Variants in SEMA6D observed in about 807,000 individuals in gnomAD.
The protein encoded by SEMA6D is semaphorin-6D.
A neutral mutation model predicts 106.6 loss-of-function variants in SEMA6D; 35 were observed. The observed-to-expected ratio is 0.33, with a 90% CI of 0.25 to 0.44. The LOEUF is 0.44. SEMA6D is among the 20% of genes least tolerant of loss of function. The pLI, the probability that SEMA6D is intolerant of heterozygous loss-of-function variation, is 1.00. For synonymous variants in SEMA6D, 499 were observed against 487.7 expected, an observed-to-expected ratio of 1.02 and a Z score of -0.31; for missense variants, 1,185 against 1,345.9, an observed-to-expected ratio of 0.88 and a Z score of 1.87.
intron 4 of SEMA6D, among the ~76,000 whole-genome samples, chr15:47,702,935 T>C (rs1021870970): frequency 1.3e-5 from 2 of 152,148 alleles, no homozygotes; most frequent in Non-Finnish European, 2.9e-5. Flanking sequence ...TAATAGTGGA[T>C]ACGTGTCATT....
chr15:47,771,341 G>A lies in SEMA6D; in HGVS notation c.2778G>A (p.Glu926=). The A allele has an allele frequency of 6.2e-7, 1 of 1,613,976 alleles. No homozygotes were observed. Among genetic ancestry groups the A allele is most frequent in the South Asian group, 1.1e-5 (1 of 91,062 alleles). The change falls in exon 19 of 19, where the codon GAG becomes GAA. Residue 926 remains glutamate, a synonymous_variant. Coordinates refer to ENST00000536845, the MANE Select transcript of SEMA6D (RefSeq NM_001358351.3). ...SEVPPKVPNR[E]ASLYSPPSTL... is the part of the protein sequence containing the mutation. ...TCCCACCTAAAGTCCCTAACCGGGA[G>A]GCATCGCTATACTCCCCTCCTTCAA...
chr15:47,190,802 A>C (rs1298259728), intron 1 of SEMA6D, among the ~76,000 whole-genome samples: 1 of 152,204 alleles, frequency 6.6e-6, no homozygotes. Flanking sequence ...CAAGTTGGTT[A>C]AATGTCTATC....
intron 2 of SEMA6D, among the ~76,000 whole-genome samples, chr15:47,438,383 T>A (rs1203084092): frequency 6.6e-6 from 1 of 152,052 alleles, no homozygotes; most frequent in Non-Finnish European, 1.5e-5. Context: ...AAACTATAGA[T>A]CAGATATTAC....
At chr15:47,701,841 G>A (rs998076702) in intron 4 of SEMA6D, among the ~76,000 whole-genome samples, 1 of 152,046 alleles carries the variant, frequency 6.6e-6, no homozygotes, top group South Asian at 2.1e-4. Flanking sequence ...TGGTTCTTCA[G>A]GCACAGTACT....
At chr15:47,671,016 TTG>T (rs2078126407) in intron 4 of SEMA6D, among the ~76,000 whole-genome samples, 1 of 152,098 alleles carries the variant, frequency 6.6e-6, no homozygotes, top group South Asian at 2.1e-4. Context: ...CAGAAAAAAA[TTG>T]TGTTTTTATT....
At chr15:47,275,248 A>G (rs1167730943) in intron 1 of SEMA6D, 1 of 152,188 alleles carries the variant, frequency 6.6e-6, no homozygotes, top group Non-Finnish European at 1.5e-5. Context: ...TACAGTTATA[A>G]TCACCACACA....
intron 1 of SEMA6D, among the ~76,000 whole-genome samples, chr15:47,386,895 T>G (rs2039856826): frequency 6.6e-6 from 1 of 152,238 alleles, no homozygotes; most frequent in South Asian, 2.1e-4. Context: ...GTGTTTTGTT[T>G]ATTTGCAAAT....
intron 3 of SEMA6D, among the ~76,000 whole-genome samples, chr15:47,506,505 A>T (rs1488897693): frequency 6.6e-6 from 1 of 151,980 alleles, no homozygotes; most frequent in Non-Finnish European, 1.5e-5. Flanking sequence ...GGCTGGGGGA[A>T]AATCCAAGCC....
rs529199846 is a variant in SEMA6D at position 47,725,078 on chromosome 15, T to C, written c.-55+7386T>C. ...TGTAGATTCTAAAATAAAGAATACG[T>C]CGCATATGTATATGAGGATTTTTGG... is the stretch of plus-strand genomic sequence containing the variant. On this transcript the variant is annotated intron_variant, in intron 1 of 18. Coordinates refer to ENST00000536845, the MANE Select transcript of SEMA6D (RefSeq NM_001358351.3). 1.3e-4 allele frequency among the ~76,000 whole-genome samples: 20 copies of C among 152,278 alleles called. No individual in the cohort carries two copies. The South Asian group carries it at 4.0e-3, about 30-fold the overall frequency.
At chr15:47,207,195 GATGAA>G (rs1319415584) in intron 1 of SEMA6D, among the ~76,000 whole-genome samples, 3 of 152,128 alleles carry the variant, frequency 2.0e-5, no homozygotes, top group African/African-American at 7.2e-5. Flanking sequence ...TAATTAATAT[GATGAA>G]ATGAACATTG....
intron 4 of SEMA6D, among the ~76,000 whole-genome samples, chr15:47,631,634 A>T (rs1307311286): frequency 6.6e-6 from 1 of 151,874 alleles, no homozygotes; most frequent in Non-Finnish European, 1.5e-5. Context: ...GCAATGTGAA[A>T]CTGAAGCAAG....
At chr15:47,350,114 G>A (rs17360532) in intron 1 of SEMA6D, among the ~76,000 whole-genome samples, 1,691 of 128,048 alleles carry the variant, frequency 0.013, 11 homozygotes, top group Non-Finnish European at 0.018. Context: ...CATTATAACC[G>A]GGTCATGTCC....
chr15:47,216,529 G>A (rs1408424729), intron 1 of SEMA6D, among the ~76,000 whole-genome samples: 1 of 152,080 alleles, frequency 6.6e-6, no homozygotes, highest in Non-Finnish European at 1.5e-5. Flanking sequence ...TCAGAAATTT[G>A]CTTTAAAAGG....
chr15:47,766,482 A>T, intron 15 of SEMA6D, 134 bp from the exon 16 acceptor site: 1 of 767,050 alleles, frequency 1.3e-6, no homozygotes, highest in African/African-American at 1.8e-5. Context: ...AAGTTATGTT[A>T]AAATGTTGTT....
chr15:47,471,995 G>C (rs533520758), intron 3 of SEMA6D, among the ~76,000 whole-genome samples: 1 of 151,788 alleles, frequency 6.6e-6, no homozygotes, highest in Admixed American at 6.6e-5. Context: ...AAGAGAGAGA[G>C]GGAAGGGGGA....
intron 3 of SEMA6D, among the ~76,000 whole-genome samples, chr15:47,495,288 T>A (rs2043615968): frequency 6.6e-6 from 1 of 152,064 alleles, no homozygotes; most frequent in Non-Finnish European, 1.5e-5. Context: ...AAAACTTTTC[T>A]GATTTTCCAT....
At chr15:47,263,422 A>G (rs966682364) in intron 1 of SEMA6D, among the ~76,000 whole-genome samples, 1 of 152,170 alleles carries the variant, frequency 6.6e-6, no homozygotes, top group Admixed American at 6.6e-5. Flanking sequence ...GAAGGTATAC[A>G]TGAGGCCAAC....
chr15:47,396,139 C>A (rs952302631), intron 1 of SEMA6D, among the ~76,000 whole-genome samples: 1 of 152,012 alleles, frequency 6.6e-6, no homozygotes, highest in African/African-American at 2.4e-5. Context: ...AAAACCCGAC[C>A]GTGCTGGCAC....
At chr15:47,659,755 G>C (rs1478511525) in intron 4 of SEMA6D, among the ~76,000 whole-genome samples, 1 of 151,946 alleles carries the variant, frequency 6.6e-6, no homozygotes, top group Non-Finnish European at 1.5e-5. Context: ...TGAATACACA[G>C]GTTACTGAAA....
Sources: gnomAD v4.1 joint callset for allele counts (sites outside exome capture counted in the v4.1 genomes callset) on GRCh38, gnomAD v4.1.1 for gene constraint, MANE v1.5 for transcripts, NCBI Gene and HGNC (gene_info 2026-07-23, HGNC 2026-07-21) for gene names.